The following IL1RAPL1 variants were observed in gnomAD, a reference collection of about 807,000 sequenced individuals.
IL1RAPL1 encodes interleukin 1 receptor accessory protein like 1, also known as interleukin-1 receptor accessory protein-like 1.
IL1RAPL1 carries 3 observed loss-of-function variants against 48.4 expected under a neutral mutation model. That is an observed-to-expected ratio of 0.06 (90% CI 0.03 to 0.16). The LOEUF is 0.16. Ranked by LOEUF, IL1RAPL1 falls within the 10% of genes least tolerant of loss-of-function variation. IL1RAPL1 has a pLI of 1.00. For synonymous variants in IL1RAPL1, 185 were observed against 187.7 expected (o/e 0.99, Z 0.12); for missense variants, 349 against 530.6 (o/e 0.66, Z 3.36).
chrX:28,988,541 T>C (rs1176600383), intron 2 of IL1RAPL1, among the ~76,000 whole-genome samples: 1 of 111,619 alleles, frequency 9.0e-6, no homozygotes, highest in East Asian at 2.8e-4. Flanking sequence ...ACTTCAGGGT[T>C]GATTTCTCAC....
At chrX:28,861,806 CT>C (rs1921951007) in intron 2 of IL1RAPL1, among the ~76,000 whole-genome samples, 1 of 111,253 alleles carries the variant, frequency 9.0e-6, no homozygotes, top group African/African-American at 3.3e-5. Flanking sequence ...GGTCCCCAAA[CT>C]TTGTTTACTA....
rs976224074 is a variant in IL1RAPL1 at position 28,604,369 on chromosome X, G to A, written c.-25+16322G>A. On this transcript the variant is annotated intron_variant, in intron 1 of 10. Transcript: ENST00000378993. ...TTGGATAGGTTACTTATGTTTCAGA[G>A]TTTCAGTTTCCAGATCTCTGGAGAG... is the stretch of plus-strand genomic sequence containing the variant. Among the ~76,000 whole-genome samples the A allele has an allele frequency of 3.6e-5, 4 of 111,447 alleles. No individual in the cohort carries two copies. The East Asian group carries it at 1.1e-3, about 31-fold the overall frequency.
chrX:29,020,694 A>G, intron 2 of IL1RAPL1, among the ~76,000 whole-genome samples: 1 of 111,750 alleles, frequency 8.9e-6, no homozygotes, highest in South Asian at 3.7e-4. Flanking sequence ...ATGGGTATGA[A>G]CTATGCTCTT....
At chrX:29,739,010 C>G (rs1038187381) in intron 6 of IL1RAPL1, among the ~76,000 whole-genome samples, 14 of 112,199 alleles carry the variant, frequency 1.2e-4, no homozygotes, top group Admixed American at 1.2e-3. Flanking sequence ...AACAGCCGAC[C>G]TGAACATTGA....
At chrX:28,601,903 G>A (rs1002552626) in intron 1 of IL1RAPL1, among the ~76,000 whole-genome samples, 3 of 109,852 alleles carry the variant, frequency 2.7e-5, no homozygotes, top group South Asian at 4.0e-4. Flanking sequence ...TCAGAAGTTC[G>A]AGATCAGCCT....
chrX:29,131,050 G>A (rs1361246198), intron 2 of IL1RAPL1, among the ~76,000 whole-genome samples: 1 of 111,708 alleles, frequency 9.0e-6, no homozygotes, highest in Non-Finnish European at 1.9e-5. Flanking sequence ...GAAGAAAACC[G>A]TGTTTTACAT....
intron 5 of IL1RAPL1, among the ~76,000 whole-genome samples, chrX:29,555,094 T>C (rs1276800344): frequency 1.8e-5 from 2 of 112,786 alleles, no homozygotes; most frequent in East Asian, 5.5e-4. Flanking sequence ...CCTGTTATAT[T>C]TGAATAATTC....
At chrX:28,830,515 T>C (rs1921017303) in intron 2 of IL1RAPL1, among the ~76,000 whole-genome samples, 1 of 111,896 alleles carries the variant, frequency 8.9e-6, no homozygotes, top group African/African-American at 3.3e-5. Context: ...TTTATCTCTT[T>C]ATTAATATTC....
At chrX:29,300,864 A>T (rs999529698) in intron 3 of IL1RAPL1, among the ~76,000 whole-genome samples, 2 of 111,990 alleles carry the variant, frequency 1.8e-5, no homozygotes, top group African/African-American at 6.5e-5. Context: ...TGTTGTTTTC[A>T]TTCATTAGGT....
chrX:29,486,860 A>G (rs1935102467), intron 5 of IL1RAPL1, among the ~76,000 whole-genome samples: 1 of 111,192 alleles, frequency 9.0e-6, no homozygotes, highest in Non-Finnish European at 1.9e-5. Flanking sequence ...ATAGTTCTGA[A>G]ACTCCAAAGC....
chrX:28,898,643 A>G (rs745462963), intron 2 of IL1RAPL1, among the ~76,000 whole-genome samples: 4 of 110,852 alleles, frequency 3.6e-5, no homozygotes, highest in Non-Finnish European at 7.5e-5. Flanking sequence ...ACCTATTTTT[A>G]TAATCTAATA....
At chrX:29,120,154 CT>C (rs1928753550) in intron 2 of IL1RAPL1, among the ~76,000 whole-genome samples, 1 of 112,043 alleles carries the variant, frequency 8.9e-6, no homozygotes, top group African/African-American at 3.2e-5. Context: ...TTCGGTCCTA[CT>C]TGTCAATTTT....
intron 2 of IL1RAPL1, among the ~76,000 whole-genome samples, chrX:29,144,518 G>A (rs1309230109): frequency 4.0e-5 from 4 of 98,957 alleles, no homozygotes; most frequent in Admixed American, 3.5e-4. Context: ...CAGGAGAATC[G>A]CTTGAACCTG....
intron 6 of IL1RAPL1, among the ~76,000 whole-genome samples, chrX:29,672,086 C>T (rs1050100235): frequency 2.7e-5 from 3 of 111,343 alleles, no homozygotes; most frequent in African/African-American, 6.5e-5. Context: ...TTTTAATGGC[C>T]GATGTGAATG....
intron 5 of IL1RAPL1, among the ~76,000 whole-genome samples, chrX:29,566,332 G>A (rs1922406739): frequency 1.8e-5 from 2 of 111,711 alleles, no homozygotes; most frequent in Admixed American, 1.9e-4. Context: ...TAGGTGGTCC[G>A]CACCTATAAT....
At chrX:29,781,985 G>A (rs1307133581) in intron 6 of IL1RAPL1, among the ~76,000 whole-genome samples, 2 of 111,098 alleles carry the variant, frequency 1.8e-5, no homozygotes, top group East Asian at 5.6e-4. Context: ...AGAAGAAATG[G>A]CATTCCTATA....
intron 3 of IL1RAPL1, among the ~76,000 whole-genome samples, chrX:29,326,657 G>A (rs1434729929): frequency 8.9e-6 from 1 of 112,080 alleles, no homozygotes; most frequent in Non-Finnish European, 1.9e-5. Context: ...CTTGTTTGAA[G>A]AATAATATAG....
intron 6 of IL1RAPL1, among the ~76,000 whole-genome samples, chrX:29,716,930 A>C (rs191088635): frequency 1.0e-3 from 113 of 111,009 alleles, no homozygotes; most frequent in African/African-American, 3.5e-3. Flanking sequence ...CAAACACTGA[A>C]ATTTTCTATT....
chrX:28,609,837 A>G lies in IL1RAPL1; in HGVS notation c.-25+21790A>G, dbSNP rs775569644. Among the ~76,000 whole-genome samples, 42 of 110,925 alleles carry G rather than the reference A, an allele frequency of 3.8e-4. No homozygotes were observed. In the South Asian group the frequency reaches 0.016, roughly 41 times the overall value. On this transcript the variant is annotated intron_variant, in intron 1 of 10. Transcript: ENST00000378993. Reference sequence around the variant, plus strand: ...CCCCCGACCCCACTCAACCCCAATGATCAGAGAACATATTCCTGTTAAATC... The same window carrying G: ...CCCCCGACCCCACTCAACCCCAATGGTCAGAGAACATATTCCTGTTAAATC...
Sources: gnomAD v4.1 joint callset for allele counts (sites outside exome capture counted in the v4.1 genomes callset) on GRCh38, gnomAD v4.1.1 for gene constraint, MANE v1.5 for transcripts, NCBI Gene and HGNC (gene_info 2026-07-23, HGNC 2026-07-21) for gene names.